CYP4F8: variants seen among roughly 807,000 people sequenced by gnomAD.
CYP4F8 encodes cytochrome P450 4F8.
In CYP4F8, 56 loss-of-function variants were observed where a neutral mutation model predicts 55.0. That is an observed-to-expected ratio of 1.02 (90% confidence interval 0.82 to 1.27). The LOEUF (loss-of-function observed/expected upper bound fraction) is 1.27, where lower values mean the gene tolerates loss of function less well. Ranked by LOEUF, CYP4F8 falls within the 50% of genes most tolerant of loss-of-function variation. The probability of loss-of-function intolerance (pLI) is 0.00; values close to 1 mark genes in which losing one functional copy is unlikely to be tolerated. For missense variants in CYP4F8, 680 were observed against 682.4 expected, an observed-to-expected ratio of 1.00 and a Z score of 0.04; for synonymous variants, 288 against 267.3, an observed-to-expected ratio of 1.08 and a Z score of -0.76.
At chr19:15,629,047 G>A in intron 12 of CYP4F8, 146 bp from the exon 13 acceptor site, 2 of 1,304,370 alleles carry the variant, frequency 1.5e-6, no homozygotes, top group South Asian at 3.0e-5. Flanking sequence ...GAATATGCAA[G>A]CCCACATGGG....
At position 15,623,930 on chromosome 19, in the gene CYP4F8, G is replaced by A. The variant is rs1475708043; in HGVS notation, c.986-35G>A. On this transcript the variant is annotated intron_variant, in intron 8 of 12. Transcript: ENST00000612078. ...TGTCCACCCTCTGGGTGCTGAAGCA[G>A]CCCAGAGACTCAAGCCTGCCTGGCT... 3.1e-6 allele frequency: 5 copies of A among 1,611,072 alleles called. No homozygotes were observed. The Admixed American group carries it at 6.7e-5, about 22-fold the overall frequency.
chr19:15,623,330 C>T lies in CYP4F8; in HGVS notation c.873C>T (p.Ala291=). ...QGVDDFLQAK[A]KSKTLDFIDV... ...TTGATGACTTCCTCCAAGCCAAGGC[C>T]AAGTCCAAGACTTTGGACTTTATTG... The change falls in exon 7 of 13, where the codon GCC becomes GCT. Residue 291 remains alanine (A), a synonymous_variant. Transcript: ENST00000612078. The T allele has an allele frequency of 1.2e-6, 2 of 1,614,038 alleles. No individual in the cohort carries two copies. The highest frequency in any genetic ancestry group is 1.1e-5 in the South Asian group (1 of 91,064).
In CYP4F8 at chr19:15,619,717, G is replaced by A. The variant is rs754210548; in HGVS notation, c.480G>A (p.Leu160=). The A allele has an allele frequency of 3.1e-6, 5 of 1,614,220 alleles. No homozygotes were observed. In the South Asian group the frequency reaches 5.5e-5, roughly 18 times the overall value. The change falls in exon 5 of 13, where the codon CTG becomes CTA. Residue 160 remains leucine (L), a synonymous_variant. Coordinates refer to ENST00000612078, the MANE Select transcript of CYP4F8 (RefSeq NM_007253.4). ...CGCCTGCCTTCCATTTCAACATCCT[G>A]AAGCCCTATATAAAGATTTTCAGCA... ...LLTPAFHFNI[L]KPYIKIFSKS...
intron 6 of CYP4F8, chr19:15,622,890 A>G (rs1972212108): frequency 1.7e-6 from 1 of 597,598 alleles, no homozygotes; most frequent in South Asian, 2.1e-5. Context: ...CAGATGTTTT[A>G]TAAGACAGAG....
chr19:15,628,769 C>G lies in CYP4F8; in HGVS notation c.1323C>G (p.Asp441Glu), dbSNP rs1457456818. Residue 441 changes from aspartate (D) to glutamate (E), a missense_variant, in exon 12 of 13, where the codon GAC (aspartate) becomes GAG (glutamate). Physicochemically the swap from Asp to Glu is conservative, Grantham distance 45 (BLOSUM62 2). Coordinates refer to ENST00000612078, the MANE Select transcript of CYP4F8 (RefSeq NM_007253.4). ...ACTTGCCTCCACCCCAGGTCTATGA[C>G]CCCTTCCGCTTCGACCCAGAAAACG... ...PSVWPDPEVY[D>E]PFRFDPENAQ... The G allele has an allele frequency of 1.2e-6, 2 of 1,613,130 alleles. No homozygotes were observed. Among genetic ancestry groups the G allele is most frequent in the South Asian group, 1.1e-5 (1 of 91,016 alleles).
At chr19:15,616,131 C>T (rs1371044230) in intron 2 of CYP4F8, among the ~76,000 whole-genome samples, 1 of 138,320 alleles carries the variant, frequency 7.2e-6, no homozygotes, top group Non-Finnish European at 1.6e-5. Flanking sequence ...ACTCATTCCT[C>T]TCCTCACTCA....
In CYP4F8 at chr19:15,629,869, C is replaced by T. The variant is rs1158431896; in HGVS notation, c.*511C>T. On this transcript the variant is annotated 3_prime_UTR_variant, in exon 13 of 13. Coordinates refer to ENST00000612078, the MANE Select transcript of CYP4F8 (RefSeq NM_007253.4). ...TCTGCTCAGTCCTCCCCTCTTCCTT[C>T]CTGCTGCTTGGAAGATTTTTTTTTT... 7.0e-6 allele frequency: 1 copy of T among 142,626 alleles called. No individual in the cohort carries two copies. Among genetic ancestry groups the T allele is most frequent in the African/African-American group, 2.7e-5 (1 of 37,638 alleles). The allele number at this position is 142,626 out of a possible 1,614,324, so 8.8% of individuals were successfully genotyped here. A position where few individuals can be genotyped will look rare whatever the true frequency, so the allele number is the denominator to read the frequency against.
chr19:15,623,861 T>TC lies in CYP4F8; in HGVS notation c.986-99dup, dbSNP rs1015437798. The TC allele has an allele frequency of 4.1e-5, 66 of 1,591,114 alleles. No homozygotes were observed. The Admixed American group carries it at 6.4e-4, about 15-fold the overall frequency. The stretch of plus-strand genomic sequence containing the variant: ...CTGAATCACTTCATTCTGCCCAACC[T>TC]CCCCCTCCCCTCAACCTTCCTGAGA... On this transcript the variant is annotated intron_variant, in intron 8 of 12. Coordinates refer to ENST00000612078, the MANE Select transcript of CYP4F8 (RefSeq NM_007253.4).
chr19:15,625,877 T>C (rs1304546823), intron 9 of CYP4F8, among the ~76,000 whole-genome samples: 1 of 152,234 alleles, frequency 6.6e-6, no homozygotes, highest in East Asian at 1.9e-4. Context: ...AAATGGTGGA[T>C]ACTTTTATCT....
At position 15,619,569 on chromosome 19, in the gene CYP4F8, G is replaced by A. The variant is rs369604084; in HGVS notation, c.397+26G>A. On this transcript the variant is annotated intron_variant, in intron 4 of 12. Coordinates refer to ENST00000612078, the MANE Select transcript of CYP4F8 (RefSeq NM_007253.4). ...GTAAGTAACTGTAGGTGGACGGGAC[G>A]GGGACCAACTTTTGTGGCCAGGGGA... 50 of 1,614,142 alleles carry A rather than the reference G, an allele frequency of 3.1e-5. No homozygotes were observed. In the Middle Eastern group the frequency reaches 8.3e-4, roughly 27 times the overall value.
intron 5 of CYP4F8, among the ~76,000 whole-genome samples, chr19:15,620,462 G>A (rs542891281): frequency 7.9e-5 from 12 of 152,196 alleles, no homozygotes; most frequent in Non-Finnish European, 1.5e-4. Flanking sequence ...GCAGTGGTGC[G>A]ATCTTGGCTC....
chr19:15,626,918 A>T (rs1568384982), intron 9 of CYP4F8, among the ~76,000 whole-genome samples: 2 of 152,072 alleles, frequency 1.3e-5, no homozygotes, highest in Non-Finnish European at 2.9e-5. Flanking sequence ...CTCTGTTCCC[A>T]CATTTCCAGT....
Position 15,622,445 on chromosome 19 carries a change from A to G in CYP4F8, c.647+105A>G. On this transcript the variant is annotated intron_variant, in intron 6 of 12. Coordinates refer to ENST00000612078, the MANE Select transcript of CYP4F8 (RefSeq NM_007253.4). ...GAAGAGCCTTCCTGGAGAGATGATG[A>G]GAACTAGGCATTGAAGGACAAAGAA... 2.7e-6 allele frequency: 4 copies of G among 1,466,142 alleles called. No homozygotes were observed. In the South Asian group the frequency reaches 5.0e-5, roughly 18 times the overall value. The allele number at this position is 1,466,142 out of a possible 1,614,324, so 90.8% of individuals were successfully genotyped here.
intron 3 of CYP4F8, chr19:15,618,989 C>T: frequency 5.9e-6 from 1 of 168,386 alleles, no homozygotes; most frequent in Non-Finnish European, 1.3e-5. Flanking sequence ...TGACTCTGGG[C>T]AGGTCCACGG....
At chr19:15,628,501 TTGTTCTTAC>T in intron 10 of CYP4F8, 21 bp from the exon 11 acceptor site, 1 of 1,613,596 alleles carries the variant, frequency 6.2e-7, no homozygotes, top group South Asian at 1.1e-5. Flanking sequence ...AGCTCGGACC[TTGTTCTTAC>T]TGTCCTCTCC....
At position 15,629,306 on chromosome 19, in the gene CYP4F8, T is replaced by C; in HGVS notation, c.1511T>C (p.Ile504Thr). The C allele has an allele frequency of 6.2e-7, 1 of 1,613,094 alleles. No individual in the cohort carries two copies. Among genetic ancestry groups the C allele is most frequent in the Non-Finnish European group, 8.5e-7 (1 of 1,179,534 alleles). ...AGGGAGCCACGCAGGACGCCGGAGATTGTTTTGCGTGCGGAGGACGGACTT... is the reference window on the plus strand; with the variant it reads ...AGGGAGCCACGCAGGACGCCGGAGACTGTTTTGCGTGCGGAGGACGGACTT... ...DHREPRRTPEIVLRAEDGLWL... is the reference protein window; with the variant it reads ...DHREPRRTPETVLRAEDGLWL... Residue 504 changes from isoleucine (I) to threonine (T), a missense_variant, in exon 13 of 13, where the codon ATT becomes ACT. Ile to Thr is a moderately conservative substitution (Grantham distance 89). Coordinates refer to ENST00000612078, the MANE Select transcript of CYP4F8 (RefSeq NM_007253.4).
Position 15,620,514 on chromosome 19 carries a change from G to T in CYP4F8, c.525+752G>T, listed in dbSNP as rs527889791. Among the ~76,000 whole-genome samples the T allele has an allele frequency of 3.9e-5, 6 of 152,164 alleles. No individual in the cohort carries two copies. The South Asian group carries it at 8.3e-4, about 21-fold the overall frequency. On this transcript the variant is annotated intron_variant, in intron 5 of 12. Coordinates refer to ENST00000612078, the MANE Select transcript of CYP4F8 (RefSeq NM_007253.4). Reference sequence around the variant, plus strand: ...CAAGCAATTCTCCTGTCTTAGCCTCGTGGGTAGATGGAATTACAGGCGCCC... The same window carrying T: ...CAAGCAATTCTCCTGTCTTAGCCTCTTGGGTAGATGGAATTACAGGCGCCC...
intron 5 of CYP4F8, among the ~76,000 whole-genome samples, chr19:15,620,429 C>T (rs1017455676): frequency 5.3e-5 from 8 of 152,140 alleles, no homozygotes; most frequent in Non-Finnish European, 1.0e-4. Flanking sequence ...GATGAAGTCT[C>T]GCTTTGTCTC....
At chr19:15,623,600 C>A in intron 7 of CYP4F8, 99 bp from the exon 8 acceptor site, 1 of 1,406,024 alleles carries the variant, frequency 7.1e-7, no homozygotes, top group African/African-American at 1.6e-5. Context: ...CTGGAGGTGA[C>A]AAGGGAGGGA....
Sources: allele counts gnomAD v4.1 joint callset (sites outside exome capture counted in the v4.1 genomes callset), GRCh38; gene constraint gnomAD v4.1.1; transcripts MANE v1.5; gene names NCBI Gene and HGNC (gene_info 2026-07-23, HGNC 2026-07-21).